Variants in FAM227A observed in about 807,000 individuals in gnomAD.
FAM227A encodes the protein family with sequence similarity 227 member A, also known as protein FAM227A.
In FAM227A, 80 loss-of-function variants were observed where a neutral mutation model predicts 74.7. That is an observed-to-expected ratio of 1.07 (90% CI 0.89 to 1.29). The LOEUF is 1.29. Among genes scored for constraint, FAM227A ranks in the 50% most tolerant of loss-of-function variants. The pLI is 0.00. For synonymous variants in FAM227A, 237 were observed against 241.8 expected (o/e 0.98, Z 0.19); for missense variants, 654 against 683.4 (o/e 0.96, Z 0.48).
chr22:38,626,133 C>T, intron 9 of FAM227A, 47 bp downstream of exon 9: 1 of 1,545,682 alleles, frequency 6.5e-7, no homozygotes, highest in Non-Finnish European at 8.7e-7. Flanking sequence ...CAGCGGAAAA[C>T]ATTTTTCTAG....
At chr22:38,611,360 C>T (rs771315678) in intron 11 of FAM227A, among the ~76,000 whole-genome samples, 5 of 151,996 alleles carry the variant, frequency 3.3e-5, no homozygotes, top group South Asian at 2.1e-4. Flanking sequence ...TGTCTGGGTG[C>T]GGAGGGAGCT....
At chr22:38,617,523 C>T (rs998223585) in intron 11 of FAM227A, among the ~76,000 whole-genome samples, 1 of 152,172 alleles carries the variant, frequency 6.6e-6, no homozygotes, top group African/African-American at 2.4e-5. Flanking sequence ...TCTCGATCTC[C>T]TGACCTTGTA....
intron 11 of FAM227A, among the ~76,000 whole-genome samples, chr22:38,613,333 A>AATATATATC (rs1446828186): frequency 9.7e-5 from 4 of 41,344 alleles, no homozygotes; most frequent in South Asian, 7.1e-4. Context: ...TATCATATAT[A>AATATATATC]ATATATAACA....
chr22:38,622,768 T>C (rs879283038), intron 10 of FAM227A, among the ~76,000 whole-genome samples: 1 of 147,596 alleles, frequency 6.8e-6, no homozygotes, highest in Admixed American at 7.0e-5. Flanking sequence ...CCCAGCTACT[T>C]GGGAGGATGA....
chr22:38,647,065 G>A lies in FAM227A; in HGVS notation c.143-1420C>T, dbSNP rs551377670. On this transcript the variant is annotated intron_variant, in intron 2 of 16. Coordinates refer to ENST00000535113, the MANE Select transcript of FAM227A (RefSeq NM_001013647.2). ...CTTGGGAGGCTCAGGCAGGAGAATCGCTTGAACCAGGAGGTGGAAGTTGCA... is the reference window on the plus strand; with the variant it reads ...CTTGGGAGGCTCAGGCAGGAGAATCACTTGAACCAGGAGGTGGAAGTTGCA... 7.9e-5 allele frequency among the ~76,000 whole-genome samples: 12 copies of A among 152,076 alleles called. 1 individual carries two copies. Among genetic ancestry groups the A allele is most frequent in the South Asian group, 4.2e-4 (2 of 4,806 alleles).
rs1304628042 is a variant in FAM227A, at chr22:38,613,245, AAT to A, written c.1039-5771_1039-5770del. ...TATATATATTATATATATAATATAT[AAT>A]ATATAACATATATTATAACATATAT... On this transcript the variant is annotated intron_variant, in intron 11 of 16. Transcript: ENST00000535113. Among the ~76,000 whole-genome samples the A allele has an allele frequency of 6.5e-3, 534 of 82,224 alleles. 13 individuals carry two copies. Among genetic ancestry groups the A allele is most frequent in the African/African-American group, 0.026 (511 of 19,496 alleles). The allele number at this position is 82,224 out of a possible 152,430, so 53.9% of individuals were successfully genotyped here.
rs1198207027 is a variant in FAM227A at position 38,580,930 on chromosome 22, C to T, written c.*5195G>A. 6.6e-6 allele frequency: 1 copy of T among 152,186 alleles called. No individual in the cohort carries two copies. Among genetic ancestry groups the T allele is most frequent in the Non-Finnish European group, 1.5e-5 (1 of 68,082 alleles). The allele number at this position is 152,186 out of a possible 1,614,324, so 9.4% of individuals were successfully genotyped here. A position where few individuals can be genotyped will look rare whatever the true frequency, so the allele number is the denominator to read the frequency against. The stretch of plus-strand genomic sequence containing the variant: ...AATAGCTAGGATTCCAGGCATGCAC[C>T]ACCACGCCTGGCTGATTTTTGTATT... On this transcript the variant is annotated 3_prime_UTR_variant, in exon 17 of 17. Transcript: ENST00000535113.
chr22:38,647,510 G>T (rs1173949928), intron 2 of FAM227A, among the ~76,000 whole-genome samples: 4 of 152,138 alleles, frequency 2.6e-5, no homozygotes, highest in Non-Finnish European at 4.4e-5. Flanking sequence ...ATGCATGTGT[G>T]ATGTCACAGA....
chr22:38,630,146 G>A (rs921252359), intron 6 of FAM227A, among the ~76,000 whole-genome samples: 6 of 150,732 alleles, frequency 4.0e-5, no homozygotes, highest in East Asian at 1.9e-4. Flanking sequence ...ATCAGGAAGC[G>A]TGCCTCTTCT....
intron 16 of FAM227A, among the ~76,000 whole-genome samples, chr22:38,588,874 G>C (rs1402493166): frequency 6.8e-6 from 1 of 147,680 alleles, no homozygotes; most frequent in Non-Finnish European, 1.5e-5. Flanking sequence ...GTTGCAGTGA[G>C]CCAAGATCGC....
chr22:38,632,536 T>A (rs2145626817), intron 6 of FAM227A, among the ~76,000 whole-genome samples: 1 of 152,282 alleles, frequency 6.6e-6, no homozygotes, highest in East Asian at 1.9e-4. Context: ...GAAATAAATC[T>A]CTGTTCTTTA....
At chr22:38,632,987 G>A (rs1248658320) in intron 6 of FAM227A, among the ~76,000 whole-genome samples, 1 of 152,208 alleles carries the variant, frequency 6.6e-6, no homozygotes. Context: ...CCCAGGCGAG[G>A]GCTGGTGCGG....
chr22:38,613,311 ACATATAATATATAT>A (rs2091487305), intron 11 of FAM227A, among the ~76,000 whole-genome samples: 1 of 62,098 alleles, frequency 1.6e-5, no homozygotes. Flanking sequence ...ATAATATATA[ACATATAATATATAT>A]CATATATAAT....
intron 11 of FAM227A, among the ~76,000 whole-genome samples, chr22:38,615,983 G>C (rs752880802): frequency 6.6e-6 from 1 of 152,124 alleles, no homozygotes; most frequent in Non-Finnish European, 1.5e-5. Context: ...AGTTCCGGGA[G>C]AGGCCAGGGC....
intron 13 of FAM227A, 111 bp from the exon 14 acceptor site, chr22:38,600,032 T>C: frequency 9.9e-7 from 1 of 1,013,606 alleles, no homozygotes; most frequent in Non-Finnish European, 1.4e-6. Context: ...TAATTCCAGT[T>C]TTAGGATGCA....
Position 38,595,013 on chromosome 22 carries a change from G to A in FAM227A, c.1532+2191C>T, listed in dbSNP as rs189023820. On this transcript the variant is annotated intron_variant, in intron 15 of 16. Coordinates refer to ENST00000535113, the MANE Select transcript of FAM227A (RefSeq NM_001013647.2). ...TTTGGGAGGCTGAGGCAGGAGAATC[G>A]CTTGAACCTGGGGGACGGAGGTTGC... is the stretch of plus-strand genomic sequence containing the variant. Among the ~76,000 whole-genome samples, 289 of 152,262 alleles carry A rather than the reference G, an allele frequency of 1.9e-3. 1 individual carries two copies. Among genetic ancestry groups the A allele is most frequent in the Middle Eastern group, 0.014 (4 of 294 alleles).
At chr22:38,628,158 AT>A (rs1400737700) in intron 8 of FAM227A, 79 bp downstream of exon 8, 43 of 850,088 alleles carry the variant, frequency 5.1e-5, no homozygotes, top group Admixed American at 3.2e-4. Flanking sequence ...TATGTAAAGA[AT>A]GTTTAAGACA....
At chr22:38,597,114 T>A (rs1032234576) in intron 15 of FAM227A, 90 bp downstream of exon 15, 2 of 1,284,276 alleles carry the variant, frequency 1.6e-6, no homozygotes, top group Non-Finnish European at 2.2e-6. Flanking sequence ...GAAACCCCCC[T>A]GCCCCACCAA....
chr22:38,636,107 C>CAAA (rs147256974), intron 6 of FAM227A, among the ~76,000 whole-genome samples: 160 of 149,346 alleles, frequency 1.1e-3, no homozygotes, highest in Admixed American at 1.9e-3. Flanking sequence ...AAGAAGGAAA[C>CAAA]AGAAAAGAAA....
Sources: allele counts gnomAD v4.1 joint callset (sites outside exome capture counted in the v4.1 genomes callset), GRCh38; gene constraint gnomAD v4.1.1; transcripts MANE v1.5; gene names NCBI Gene and HGNC (gene_info 2026-07-23, HGNC 2026-07-21).